RGL1: variants seen among roughly 807,000 people sequenced by gnomAD.
RGL1 encodes ral guanine nucleotide dissociation stimulator-like 1.
In RGL1, 24 loss-of-function variants were observed where a neutral mutation model predicts 95.2. That is an observed-to-expected ratio of 0.25 (90% CI 0.18 to 0.35). The LOEUF (loss-of-function observed/expected upper bound fraction) is 0.35, where lower values mean the gene tolerates loss of function less well. RGL1 is among the 10% of genes least tolerant of loss of function. The pLI is 1.00. For synonymous variants in RGL1, 329 were observed against 344.9 expected, an observed-to-expected ratio of 0.95 and a Z score of 0.51; for missense variants, 715 against 936.3, an observed-to-expected ratio of 0.76 and a Z score of 3.08.
intron 2 of RGL1, among the ~76,000 whole-genome samples, chr1:183,760,342 G>A (rs963514965): frequency 6.6e-6 from 1 of 152,102 alleles, no homozygotes; most frequent in African/African-American, 2.4e-5. Flanking sequence ...CATTAATGAA[G>A]TTTGTCATAT....
chr1:183,800,894 AT>A (rs1660949493), upstream of RGL1, among the ~76,000 whole-genome samples: 1 of 152,172 alleles, frequency 6.6e-6, no homozygotes, highest in Admixed American at 6.5e-5. Flanking sequence ...GTTGATGGAC[AT>A]TTAGGTCGCT....
chr1:183,642,933 A>T (rs1188557703), intron 1 of RGL1, among the ~76,000 whole-genome samples: 1 of 152,204 alleles, frequency 6.6e-6, no homozygotes, highest in Admixed American at 6.5e-5. Context: ...CTCTGTACCC[A>T]TTAAACAATA....
At chr1:183,729,910 A>G (rs1428726875) in intron 1 of RGL1, among the ~76,000 whole-genome samples, 1 of 152,146 alleles carries the variant, frequency 6.6e-6, no homozygotes, top group East Asian at 1.9e-4. Context: ...TAGAAAAGAA[A>G]AACTTAACAT....
intron 4 of RGL1, among the ~76,000 whole-genome samples, chr1:183,872,633 A>G (rs74414743): frequency 0.011 from 1,680 of 152,370 alleles, 33 homozygotes; most frequent in African/African-American, 0.039. Context: ...TCATGTAAAT[A>G]GTAGTAATCC....
Position 183,710,441 on chromosome 1 carries a change from A to T in RGL1, c.-32-31685A>T, listed in dbSNP as rs370043025. Among the ~76,000 whole-genome samples, 10 of 152,232 alleles carry T rather than the reference A, an allele frequency of 6.6e-5. No homozygotes were observed. In the East Asian group the frequency reaches 7.7e-4, roughly 12 times the overall value. On this transcript the variant is annotated intron_variant, in intron 1 of 18. Coordinates refer to the RGL1 transcript ENST00000304685. The stretch of plus-strand genomic sequence containing the variant: ...CATACTTGAACTCCTGAAAGGCATG[A>T]CTAGGGCAGACCTCTTGCTCTTTTG...
chr1:183,649,328 T>C (rs1211043234), intron 1 of RGL1, among the ~76,000 whole-genome samples: 1 of 152,254 alleles, frequency 6.6e-6, no homozygotes, highest in Non-Finnish European at 1.5e-5. Context: ...ATCCTAGGGT[T>C]ATCTAGATTA....
chr1:183,664,615 AC>A (rs1651905816), intron 1 of RGL1, among the ~76,000 whole-genome samples: 1 of 151,020 alleles, frequency 6.6e-6, no homozygotes, highest in Non-Finnish European at 1.5e-5. Context: ...ATCGCATCCT[AC>A]TTTTTGAGCA....
chr1:183,768,461 CTTTTTTTTTT>C (rs71130639), intron 2 of RGL1, among the ~76,000 whole-genome samples: 1 of 83,850 alleles, frequency 1.2e-5, no homozygotes, highest in Non-Finnish European at 2.2e-5. Flanking sequence ...CTTTAGATAA[CTTTTTTTTTT>C]TTTTTTTTTT....
intron 2 of RGL1, among the ~76,000 whole-genome samples, chr1:183,790,676 T>C (rs1660402255): frequency 6.6e-6 from 1 of 152,184 alleles, no homozygotes; most frequent in Admixed American, 6.5e-5. Context: ...AGAAATTGCT[T>C]GGAACAATGT....
intron 1 of RGL1, among the ~76,000 whole-genome samples, chr1:183,700,969 T>C (rs1446673192): frequency 3.3e-5 from 5 of 152,230 alleles, no homozygotes; most frequent in African/African-American, 4.8e-5. Flanking sequence ...TGTGTTTTCA[T>C]TGATCAACTC....
At position 183,922,219 on chromosome 1, in the gene RGL1, C is replaced by T; in HGVS notation, c.2005-3C>T. 6.2e-7 allele frequency: 1 copy of T among 1,612,390 alleles called. No homozygotes were observed. The highest frequency in any genetic ancestry group is 8.5e-7 in the Non-Finnish European group (1 of 1,178,456). ...TTTACAAACCTGTTCATTGTCTTTG[C>T]AGTTGACGAGCCAGGATAAAACCCC... is the stretch of plus-strand genomic sequence containing the variant. On this transcript the variant is annotated splice_region_variant and splice_polypyrimidine_tract_variant and intron_variant, in intron 16 of 17. Transcript: ENST00000360851.
intron 2 of RGL1, 114 bp from the exon 3 acceptor site, chr1:183,847,452 A>C (rs1664517134): frequency 1.1e-6 from 1 of 894,030 alleles, no homozygotes; most frequent in African/African-American, 1.7e-5. Context: ...GGATAAATAA[A>C]TAAATAAGAA....
chr1:183,902,394 C>CT (rs1372630321), intron 11 of RGL1, among the ~76,000 whole-genome samples, 174 bp from the exon 12 acceptor site: 1 of 152,102 alleles, frequency 6.6e-6, no homozygotes, highest in East Asian at 1.9e-4. Context: ...TATAATAATA[C>CT]TTTTTTTAAA....
At chr1:183,805,961 C>CTTTTTTTTTTTTTTTTT (rs1290429659) in intron 1 of RGL1, among the ~76,000 whole-genome samples, 1 of 43,338 alleles carries the variant, frequency 2.3e-5, no homozygotes. Flanking sequence ...TTTTCTTTTT[C>CTTTTTTTTTTTTTTTTT]TTTTCTTTTC....
At chr1:183,879,769 A>G (rs1666718950) in intron 4 of RGL1, among the ~76,000 whole-genome samples, 2 of 152,200 alleles carry the variant, frequency 1.3e-5, no homozygotes, top group Non-Finnish European at 2.9e-5. Context: ...AAAACATTTT[A>G]TCCTTTTTAT....
chr1:183,880,902 A>C, intron 5 of RGL1, 102 bp downstream of exon 5: 1 of 1,035,452 alleles, frequency 9.7e-7, no homozygotes, highest in East Asian at 2.6e-5. Context: ...AAACCTTGGT[A>C]CCCTCAAAAC....
intron 17 of RGL1, among the ~76,000 whole-genome samples, chr1:183,923,852 G>T (rs920821463): frequency 6.6e-6 from 1 of 152,174 alleles, no homozygotes; most frequent in African/African-American, 2.4e-5. Context: ...CTTGGAACCT[G>T]CTCATATCAG....
At chr1:183,647,514 G>C (rs895151698) in intron 1 of RGL1, 9 of 1,149,498 alleles carry the variant, frequency 7.8e-6, no homozygotes, top group Middle Eastern at 3.1e-4. Context: ...GTTTAAAATA[G>C]TGTAACTTTA....
At chr1:183,740,575 G>A (rs761780342) in intron 1 of RGL1, among the ~76,000 whole-genome samples, 4 of 152,196 alleles carry the variant, frequency 2.6e-5, no homozygotes, top group Non-Finnish European at 4.4e-5. Flanking sequence ...TTTTGCAGAC[G>A]TGATTCCTTG....
Sources: gnomAD v4.1 joint callset for allele counts (sites outside exome capture counted in the v4.1 genomes callset) on GRCh38, gnomAD v4.1.1 for gene constraint, MANE v1.5 for transcripts, NCBI Gene and HGNC (gene_info 2026-07-23, HGNC 2026-07-21) for gene names.